The following ABCC1 variants were observed in gnomAD, a reference collection of about 807,000 sequenced individuals.
ABCC1 encodes the protein multidrug resistance-associated protein 1.
In ABCC1, 83 loss-of-function variants were observed where a neutral mutation model predicts 172.9. That is an observed-to-expected ratio of 0.48 (90% CI 0.40 to 0.58). The LOEUF (loss-of-function observed/expected upper bound fraction) is 0.58. ABCC1 is among the 20% of genes least tolerant of loss of function. The probability of loss-of-function intolerance (pLI) is 0.00; values close to 1 mark genes in which losing one functional copy is unlikely to be tolerated. For missense variants in ABCC1, 1,817 were observed against 2,002.7 expected, an observed-to-expected ratio of 0.91 and a Z score of 1.77; for synonymous variants, 937 against 825.2, an observed-to-expected ratio of 1.14 and a Z score of -2.32.
chr16:16,103,054 T>C (rs1227920136), intron 20 of ABCC1, among the ~76,000 whole-genome samples: 2 of 152,162 alleles, frequency 1.3e-5, no homozygotes, highest in Non-Finnish European at 1.5e-5. Context: ...GCATTTGATT[T>C]AAAACTGTCT....
intron 1 of ABCC1, among the ~76,000 whole-genome samples, chr16:15,970,286 T>C (rs939506553): frequency 1.3e-5 from 2 of 152,214 alleles, no homozygotes; most frequent in East Asian, 1.9e-4. Flanking sequence ...CATGTCCACA[T>C]GGCAGCCAGT....
chr16:16,109,006 A>G (rs997411892), intron 21 of ABCC1, among the ~76,000 whole-genome samples: 6 of 152,044 alleles, frequency 3.9e-5, no homozygotes, highest in Admixed American at 6.5e-5. Flanking sequence ...CCGCATGACA[A>G]AGCCAAGTGG....
intron 6 of ABCC1, 51 bp from the exon 7 acceptor site, chr16:16,036,418 CCCT>C (rs967046765): frequency 3.2e-6 from 5 of 1,563,200 alleles, no homozygotes; most frequent in Non-Finnish European, 4.4e-6. Flanking sequence ...CCCGTCCTCC[CCCT>C]CCTCCTGTCA....
intron 25 of ABCC1, 44 bp downstream of exon 25, chr16:16,124,959 GGGGGA>G (rs2045368042): frequency 6.2e-7 from 1 of 1,612,364 alleles, no homozygotes; most frequent in African/African-American, 1.3e-5. Context: ...GTCTGTTAAT[GGGGGA>G]GCCAGTTGTC....
In ABCC1 at chr16:16,048,209, T is replaced by A; in HGVS notation, c.1286T>A (p.Val429Glu). 1 of 1,614,188 alleles carries A rather than the reference T, an allele frequency of 6.2e-7. No individual in the cohort carries two copies. The highest frequency in any genetic ancestry group is 8.5e-7 in the Non-Finnish European group (1 of 1,180,004). Residue 429 changes from valine to glutamate, a missense_variant, in exon 10 of 31, where the codon GTG (valine) becomes GAG (glutamate). Transcript: ENST00000399410. ...GGGGAGATTGTCAACCTCATGTCTG[T>A]GGACGCTCAGAGGTTCATGGACTTG... ...TVGEIVNLMS[V>E]DAQRFMDLAT...
intron 20 of ABCC1, among the ~76,000 whole-genome samples, chr16:16,102,980 A>G (rs1416604159): frequency 6.6e-6 from 1 of 152,174 alleles, no homozygotes; most frequent in Non-Finnish European, 1.5e-5. Flanking sequence ...CGGGCTCCCT[A>G]CATGGTGTGG....
Position 16,131,795 on chromosome 16 carries a change from T to G in ABCC1, c.3826T>G (p.Trp1276Gly). Residue 1276 changes from tryptophan (W) to glycine (G), a missense_variant, in exon 27 of 31, where the codon TGG (tryptophan) becomes GGG (glycine). By Grantham distance (184) the Trp-to-Gly change is radical. Coordinates refer to ENST00000399410, the MANE Select transcript of ABCC1 (RefSeq NM_004996.4). ...CCCTTCACTGCGATCGAAGGCGCCCTGGCAAATCCAGGAGACAGCTCCGCC... is the reference window on the plus strand; with the variant it reads ...CCCTTCACTGCGATCGAAGGCGCCCGGGCAAATCCAGGAGACAGCTCCGCC... ...EYSETEKEAPWQIQETAPPSS... is the reference protein window; with the variant it reads ...EYSETEKEAPGQIQETAPPSS... 1 of 1,613,282 alleles carries G rather than the reference T, an allele frequency of 6.2e-7. No homozygotes were observed. The highest frequency in any genetic ancestry group is 1.1e-5 in the South Asian group (1 of 91,060).
At position 16,007,860 on chromosome 16, in the gene ABCC1, G is replaced by A. The variant is rs756513465; in HGVS notation, c.93G>A (p.Lys31=). The change falls in exon 2 of 31, where the codon AAG becomes AAA. Residue 31 remains lysine, a synonymous_variant. Coordinates refer to ENST00000399410, the MANE Select transcript of ABCC1 (RefSeq NM_004996.4). The part of the protein sequence containing the change: ...TWNTSNPDFT[K]CFQNTVLVWV... ...ATACCAGCAACCCCGACTTCACCAA[G>A]TGCTTTCAGAACACGGTCCTCGTGT... 2 of 1,613,450 alleles carry A rather than the reference G, an allele frequency of 1.2e-6. No individual in the cohort carries two copies. The highest frequency in any genetic ancestry group is 2.2e-5 in the South Asian group (2 of 90,888).
chr16:16,037,410 C>T (rs2048798900), intron 7 of ABCC1, among the ~76,000 whole-genome samples: 1 of 151,898 alleles, frequency 6.6e-6, no homozygotes, highest in Admixed American at 6.6e-5. Context: ...CAGTGCCTCC[C>T]CTGCACATAC....
chr16:16,064,976 G>A (rs539213237), intron 12 of ABCC1, among the ~76,000 whole-genome samples: 2 of 152,340 alleles, frequency 1.3e-5, no homozygotes, highest in East Asian at 3.9e-4. Flanking sequence ...TTTAAGTAGG[G>A]TGGTCCAAGC....
chr16:15,973,594 A>G (rs554508115), intron 1 of ABCC1, among the ~76,000 whole-genome samples: 6 of 152,256 alleles, frequency 3.9e-5, no homozygotes, highest in East Asian at 3.9e-4. Context: ...CTGGGTGACT[A>G]TCAGCAATGG....
chr16:15,964,093 G>A (rs1471627779), intron 1 of ABCC1, among the ~76,000 whole-genome samples: 2 of 151,924 alleles, frequency 1.3e-5, no homozygotes, highest in East Asian at 1.9e-4. Flanking sequence ...ACAGGCACCC[G>A]CCATCATGCC....
In ABCC1 at chr16:16,131,890, C is replaced by CA; in HGVS notation, c.3921_3922insA (p.Phe1308IlefsTer90). 1.2e-6 allele frequency: 2 copies of CA among 1,614,166 alleles called. No homozygotes were observed. On this transcript the variant is annotated frameshift_variant, in exon 27 of 31. Coordinates refer to ENST00000399410, the MANE Select transcript of ABCC1 (RefSeq NM_004996.4). LOFTEE classifies it high-confidence loss of function. ...GCCTGCGCTACCGAGAGGACCTGGA[C>CA]TTCGTTCTCAGGCACATCAATGTCA...
At chr16:16,130,512 A>G (rs141524129) in intron 26 of ABCC1, among the ~76,000 whole-genome samples, 15 of 151,560 alleles carry the variant, frequency 9.9e-5, no homozygotes, top group African/African-American at 3.4e-4. Context: ...AGATTTTACA[A>G]AATCACTTTT....
At chr16:15,958,055 C>A (rs2046040498) in intron 1 of ABCC1, among the ~76,000 whole-genome samples, 3 of 152,200 alleles carry the variant, frequency 2.0e-5, no homozygotes, top group African/African-American at 2.4e-5. Context: ...GTCCCCACCC[C>A]TCCCTGTTGT....
At chr16:15,957,748 A>G (rs749965270) in intron 1 of ABCC1, among the ~76,000 whole-genome samples, 20 of 152,140 alleles carry the variant, frequency 1.3e-4, no homozygotes, top group Admixed American at 2.0e-4. Context: ...GCACGCCACC[A>G]CATCCAGCTA....
At chr16:16,068,108 G>A (rs752694096) in intron 12 of ABCC1, 48 bp from the exon 13 acceptor site, 1 of 1,609,804 alleles carries the variant, frequency 6.2e-7, no homozygotes, top group East Asian at 2.2e-5. Flanking sequence ...CTAGGATGAT[G>A]ACTCTCACTC....
At chr16:16,014,699 T>G in intron 4 of ABCC1, 71 bp downstream of exon 4, 1 of 1,563,944 alleles carries the variant, frequency 6.4e-7, no homozygotes, top group Non-Finnish European at 8.7e-7. Context: ...CCCTCTGGCT[T>G]GTGTAGAAGT....
rs4781728 is a variant in ABCC1 at position 16,136,470 on chromosome 16, C to G, written c.4126-8C>G. On this transcript the variant is annotated splice_region_variant and splice_polypyrimidine_tract_variant and intron_variant, in intron 28 of 30. Coordinates refer to ENST00000399410, the MANE Select transcript of ABCC1 (RefSeq NM_004996.4). ...TCACATGCCGTCCACTCTCTTCTCT[C>G]TGAACAGGACCCTGTTTTGTTTTCG... is the stretch of plus-strand genomic sequence containing the variant. 7.4e-6 allele frequency: 12 copies of G among 1,613,866 alleles called. No homozygotes were observed. In the Admixed American group the frequency reaches 1.0e-4, roughly 13 times the overall value.
Sources: gnomAD v4.1 joint callset for allele counts (sites outside exome capture counted in the v4.1 genomes callset) on GRCh38, gnomAD v4.1.1 for gene constraint, MANE v1.5 for transcripts, NCBI Gene and HGNC (gene_info 2026-07-23, HGNC 2026-07-21) for gene names.